The following ZNF169 variants were observed in gnomAD, a reference collection of about 807,000 sequenced individuals.
ZNF169 encodes the protein zinc finger protein 169.
Under a neutral mutation model 12.0 loss-of-function variants are expected in ZNF169, and 11 were observed. The observed-to-expected ratio is 0.92, with a 90% CI of 0.58 to 1.52. The LOEUF is 1.52. Ranked by LOEUF, ZNF169 falls within the 40% of genes most tolerant of loss-of-function variation. ZNF169 has a pLI of 0.00. For synonymous variants in ZNF169, 302 were observed against 286.5 expected (o/e 1.05, Z -0.55); for missense variants, 722 against 744.0 (o/e 0.97, Z 0.34).
rs906916958 is a variant in ZNF169, at chr9:94,301,591, A to G, written c.*221A>G. Reference sequence around the variant, plus strand: ...ATTTTGACAACGGAAATATATTTTCATATTTATGGAGGCTGGAAGTCCCAG... The same window carrying G: ...ATTTTGACAACGGAAATATATTTTCGTATTTATGGAGGCTGGAAGTCCCAG... On this transcript the variant is annotated 3_prime_UTR_variant, in exon 5 of 5. Transcript: ENST00000395395. The G allele has an allele frequency of 2.4e-6, 2 of 817,000 alleles. No homozygotes were observed. The highest frequency in any genetic ancestry group is 3.5e-6 in the Non-Finnish European group (2 of 566,370). 50.6% of individuals were successfully genotyped at this position (817,000 alleles called of 1,614,324 possible).
intron 1 of ZNF169, among the ~76,000 whole-genome samples, chr9:94,271,336 A>G (rs1459088224): frequency 6.6e-6 from 1 of 151,736 alleles, no homozygotes; most frequent in Admixed American, 6.6e-5. Context: ...AGTTCAAGCA[A>G]TCCACCTGCC....
chr9:94,291,453 T>A (rs75353864), intron 2 of ZNF169, among the ~76,000 whole-genome samples: 1,621 of 152,220 alleles, frequency 0.011, 20 homozygotes, highest in Middle Eastern at 0.037. Context: ...AACATAGCGC[T>A]GGAAGTTCTA....
Position 94,277,270 on chromosome 9 carries a change from G to A in ZNF169, c.-55-1488G>A, listed in dbSNP as rs573724965. Among the ~76,000 whole-genome samples the A allele has an allele frequency of 3.3e-5, 5 of 152,266 alleles. No individual in the cohort carries two copies. In the South Asian group the frequency reaches 8.3e-4, roughly 25 times the overall value. ...GGAGACCAAGTTTTATTGTGCAGAGGAAGCTCTCAGATAGCAGACTTCAGA... is the reference window on the plus strand; with the variant it reads ...GGAGACCAAGTTTTATTGTGCAGAGAAAGCTCTCAGATAGCAGACTTCAGA... On this transcript the variant is annotated intron_variant, in intron 1 of 4. Transcript: ENST00000395395.
intron 1 of ZNF169, among the ~76,000 whole-genome samples, chr9:94,259,632 G>A (rs1170190916): frequency 6.6e-6 from 1 of 152,152 alleles, no homozygotes; most frequent in African/African-American, 2.4e-5. Flanking sequence ...GTGCAGGCCT[G>A]GGACCGACTT....
At position 94,299,848 on chromosome 9, in the gene ZNF169, A is replaced by G; in HGVS notation, c.290A>G (p.His97Arg). ...ACAGAATTCCAGCCAAGTTTTCCCCACCTGGTGGCCTTTTCTAGCTCGCAG... is the reference window on the plus strand; with the variant it reads ...ACAGAATTCCAGCCAAGTTTTCCCCGCCTGGTGGCCTTTTCTAGCTCGCAG... ...PRTEFQPSFP[H>R]LVAFSSSQLL... Residue 97 changes from histidine to arginine, a missense_variant, in exon 5 of 5, where the codon CAC (histidine) becomes CGC (arginine). Physicochemically the swap from His to Arg is conservative, Grantham distance 29. Coordinates refer to ENST00000395395, the MANE Select transcript of ZNF169 (RefSeq NM_194320.4). The G allele has an allele frequency of 1.2e-6, 2 of 1,613,734 alleles. No individual in the cohort carries two copies. The highest frequency in any genetic ancestry group is 1.7e-6 in the Non-Finnish European group (2 of 1,179,844).
rs1587691791 is a variant in ZNF169, at chr9:94,300,519, C to T, written c.961C>T (p.Gln321Ter). 6.2e-7 allele frequency: 1 copy of T among 1,614,226 alleles called. No homozygotes were observed. The highest frequency in any genetic ancestry group is 1.3e-5 in the African/African-American group (1 of 75,060). The change falls in exon 5 of 5, where the codon CAG becomes TAG. Residue 321 changes from glutamine (Q) to a stop codon, truncating the protein, a stop_gained. Transcript: ENST00000395395. LOFTEE classifies it low-confidence loss of function (END_TRUNC). ...IHSGERPFVC[Q>*]ECGRGFRQKI... ...CTCCGGGGAGAGGCCCTTTGTATGT[C>T]AGGAGTGTGGGCGAGGCTTTCGCCA... is the stretch of plus-strand genomic sequence containing the variant.
chr9:94,286,338 A>G (rs904161644), intron 2 of ZNF169, among the ~76,000 whole-genome samples: 3 of 152,180 alleles, frequency 2.0e-5, no homozygotes, highest in Admixed American at 6.5e-5. Context: ...CTTTCACTAT[A>G]ATAATCATAG....
At chr9:94,288,670 A>C in intron 2 of ZNF169, 2 of 354,502 alleles carry the variant, frequency 5.6e-6, no homozygotes, top group South Asian at 4.4e-5. Context: ...GATAGTTTAA[A>C]AGTATGTAGC....
chr9:94,267,202 C>G (rs1280993142), intron 1 of ZNF169, among the ~76,000 whole-genome samples: 1 of 152,174 alleles, frequency 6.6e-6, no homozygotes. Context: ...GGGTGAATAC[C>G]TCTCCTCTTG....
chr9:94,294,687 T>A (rs1459568747), intron 4 of ZNF169: 1 of 152,224 alleles, frequency 6.6e-6, no homozygotes, highest in South Asian at 2.1e-4. Context: ...TGCTTACTAG[T>A]GAGCATGAGC....
intron 4 of ZNF169, chr9:94,293,383 T>C: frequency 1.7e-6 from 1 of 603,086 alleles, no homozygotes; most frequent in Non-Finnish European, 2.9e-6. Flanking sequence ...GTACCTGTCC[T>C]TTGAGACTAA....
chr9:94,268,095 C>CCCGACCTCAGGTGATCCG (rs1206023314), intron 1 of ZNF169, among the ~76,000 whole-genome samples: 9 of 151,900 alleles, frequency 5.9e-5, no homozygotes, highest in African/African-American at 1.9e-4. Flanking sequence ...GTCTTGAACG[C>CCCGACCTCAGGTGATCCG]CCGACCTCAG....
intron 1 of ZNF169, among the ~76,000 whole-genome samples, chr9:94,265,178 A>G (rs1012671007): frequency 6.6e-6 from 1 of 151,472 alleles, no homozygotes; most frequent in African/African-American, 2.4e-5. Context: ...TCAGGCTGCT[A>G]TTTTTCGTGG....
At chr9:94,283,791 G>A (rs567288324) in intron 2 of ZNF169, among the ~76,000 whole-genome samples, 11 of 152,160 alleles carry the variant, frequency 7.2e-5, no homozygotes, top group South Asian at 4.2e-4. Context: ...ATATGAGGCC[G>A]GGTGCGGTGG....
intron 2 of ZNF169, among the ~76,000 whole-genome samples, chr9:94,286,473 A>G (rs1022779307): frequency 1.3e-5 from 2 of 152,108 alleles, no homozygotes; most frequent in Non-Finnish European, 2.9e-5. Flanking sequence ...TTAAATTTTA[A>G]TTCTCAATAT....
intron 1 of ZNF169, among the ~76,000 whole-genome samples, chr9:94,277,850 T>C (rs1429123418): frequency 6.7e-6 from 1 of 150,356 alleles, no homozygotes; most frequent in Non-Finnish European, 1.5e-5. Flanking sequence ...GAGAATGGCG[T>C]GAACCCGGGA....
chr9:94,298,203 T>C (rs1830988291), intron 4 of ZNF169, among the ~76,000 whole-genome samples: 1 of 151,864 alleles, frequency 6.6e-6, no homozygotes, highest in Non-Finnish European at 1.5e-5. Flanking sequence ...AGACTCAATT[T>C]CTAATCTGAG....
At chr9:94,267,858 C>T (rs1336234047) in intron 1 of ZNF169, among the ~76,000 whole-genome samples, 1 of 114,224 alleles carries the variant, frequency 8.8e-6, no homozygotes, top group Non-Finnish European at 1.9e-5. Context: ...TATAAAACTG[C>T]CTTCTTTTTT....
chr9:94,301,384 C>T lies in ZNF169; in HGVS notation c.*14C>T, dbSNP rs370969320. On this transcript the variant is annotated 3_prime_UTR_variant, in exon 5 of 5. Coordinates refer to ENST00000395395, the MANE Select transcript of ZNF169 (RefSeq NM_194320.4). ...GAGGTCTTCTGACCTTTCCTTTCCCCGTGAGTGTGAAGCTGGCAGAAATCA... is the reference window on the plus strand; with the variant it reads ...GAGGTCTTCTGACCTTTCCTTTCCCTGTGAGTGTGAAGCTGGCAGAAATCA... The T allele has an allele frequency of 8.4e-5, 133 of 1,579,178 alleles. No homozygotes were observed. Among genetic ancestry groups the T allele is most frequent in the South Asian group, 2.1e-4 (18 of 87,376 alleles).
Sources: allele counts gnomAD v4.1 joint callset (sites outside exome capture counted in the v4.1 genomes callset), GRCh38; gene constraint gnomAD v4.1.1; transcripts MANE v1.5; gene names NCBI Gene and HGNC (gene_info 2026-07-23, HGNC 2026-07-21).